Variants in ARRDC4 observed in about 807,000 individuals in gnomAD.
ARRDC4 encodes the protein arrestin domain-containing protein 4.
A neutral mutation model predicts 44.6 loss-of-function variants in ARRDC4; 40 were observed. The ratio of observed to expected loss-of-function variants is 0.90; its 90% CI spans 0.70 to 1.17. The LOEUF is 1.17. Ranked by LOEUF, ARRDC4 falls within the 50% of genes most tolerant of loss-of-function variation. ARRDC4 has a pLI of 0.00. For synonymous variants in ARRDC4, 211 were observed against 221.2 expected (o/e 0.95, Z 0.41); for missense variants, 550 against 559.1 (o/e 0.98, Z 0.16).
At position 97,969,864 on chromosome 15, in the gene ARRDC4, T is replaced by TC; in HGVS notation, c.883-19_883-18insC. 6.6e-7 allele frequency: 1 copy of TC among 1,525,168 alleles called. No individual in the cohort carries two copies. Among genetic ancestry groups the TC allele is most frequent in the Non-Finnish European group, 8.8e-7 (1 of 1,135,014 alleles). The allele number at this position is 1,525,168 out of a possible 1,614,324, so 94.5% of individuals were successfully genotyped here. On this transcript the variant is annotated intron_variant, in intron 5 of 7. Transcript: ENST00000268042. ...TACATTTGTTCCTTTCTCTTTTTTT[T>TC]TTTTTTTTGGCTTATTAGGTATACA...
At chr15:97,969,764 G>C (rs1056927638) in intron 5 of ARRDC4, 119 bp from the exon 6 acceptor site, 2 of 864,168 alleles carry the variant, frequency 2.3e-6, no homozygotes, top group African/African-American at 3.4e-5. Flanking sequence ...TGTGATGGGG[G>C]TGGTGGCAGC....
Position 97,966,106 on chromosome 15 carries a change from A to G in ARRDC4, c.522+64A>G. ...CTTCCCTCCCTTCCTCCTTCCTTTCAACAGTGGGATCTATATTTAGCCAGT... is the reference window on the plus strand; with the variant it reads ...CTTCCCTCCCTTCCTCCTTCCTTTCGACAGTGGGATCTATATTTAGCCAGT... On this transcript the variant is annotated intron_variant, in intron 3 of 7. Transcript: ENST00000268042. This position sits in a 1 kb window ranked among gnomAD's most constrained non-coding sequence, Gnocchi z 4.7. The G allele has an allele frequency of 6.5e-7, 1 of 1,550,230 alleles. No individual in the cohort carries two copies. The highest frequency in any genetic ancestry group is 8.8e-7 in the Non-Finnish European group (1 of 1,137,588).
intron 1 of ARRDC4, among the ~76,000 whole-genome samples, chr15:97,962,762 GAAAA>G (rs556202560): frequency 6.6e-6 from 1 of 151,644 alleles, no homozygotes; most frequent in Admixed American, 6.6e-5. Flanking sequence ...TTTAGTTGGG[GAAAA>G]AAAATAAGTC....
In ARRDC4 at chr15:97,965,920, A is replaced by T; in HGVS notation, c.400A>T (p.Lys134Ter). Residue 134 changes from lysine to a stop codon, truncating the protein, a stop_gained, in exon 3 of 8, where the codon AAA becomes TAA. Transcript: ENST00000268042. LOFTEE classifies it high-confidence loss of function. This position sits in a 1 kb window ranked among gnomAD's most constrained non-coding sequence, Gnocchi z 5.1. ...SEPLVTSFTG[K>*]YGSIQYCVRA... ...ACCTTTGGTCACCTCGTTTACTGGG[A>T]AATATGGAAGCATTCAGTACTGTGT... 1 of 1,614,100 alleles carries T rather than the reference A, an allele frequency of 6.2e-7. No homozygotes were observed. The highest frequency in any genetic ancestry group is 8.5e-7 in the Non-Finnish European group (1 of 1,180,008).
In ARRDC4 at chr15:97,968,257, A is replaced by G; in HGVS notation, c.625+141A>G. 2.3e-6 allele frequency: 1 copy of G among 425,896 alleles called. No homozygotes were observed. 26.4% of individuals were successfully genotyped at this position (425,896 alleles called of 1,614,324 possible). On this transcript the variant is annotated intron_variant, in intron 4 of 7. Coordinates refer to ENST00000268042, the MANE Select transcript of ARRDC4 (RefSeq NM_183376.3). The surrounding 1 kb of genome is among the most constrained non-coding windows in gnomAD (Gnocchi z 5.4). ...ATGAATAGTGATACATTTTTTATAT[A>G]AATAATTGATATTTAAGTATTTTTA...
In ARRDC4 at chr15:97,971,179, A is replaced by C; in HGVS notation, c.1249A>C (p.Ile417Leu). ...DVEESQPVSF[I>L]L Reference sequence around the variant, plus strand: ...AGAAGAGAGCCAGCCTGTTTCCTTCATTCTCTGAACGTATTTCAGAAATCA... The same window carrying C: ...AGAAGAGAGCCAGCCTGTTTCCTTCCTTCTCTGAACGTATTTCAGAAATCA... The change falls in exon 8 of 8, where the codon ATT (isoleucine) becomes CTT (leucine). Residue 417 changes from isoleucine to leucine, a missense_variant. Coordinates refer to ENST00000268042, the MANE Select transcript of ARRDC4 (RefSeq NM_183376.3). 2 of 1,613,180 alleles carry C rather than the reference A, an allele frequency of 1.2e-6. No homozygotes were observed. Among genetic ancestry groups the C allele is most frequent in the Non-Finnish European group, 8.5e-7 (1 of 1,179,250 alleles).
chr15:97,963,212 T>C (rs747739656), intron 1 of ARRDC4, among the ~76,000 whole-genome samples: 24 of 152,210 alleles, frequency 1.6e-4, no homozygotes, highest in Non-Finnish European at 1.0e-4. Context: ...TTGAAACATC[T>C]TCCTGTGACT....
chr15:97,963,876 G>A (rs548713096), intron 1 of ARRDC4, among the ~76,000 whole-genome samples: 2 of 152,184 alleles, frequency 1.3e-5, no homozygotes, highest in East Asian at 1.9e-4. Flanking sequence ...TAGGAGCACT[G>A]GGATTGCCTT....
rs941332566 is a variant in ARRDC4 at position 97,961,214 on chromosome 15, C to T, written c.307+46C>T. 9.6e-6 allele frequency: 13 copies of T among 1,354,500 alleles called. No individual in the cohort carries two copies. In the Admixed American group the frequency reaches 2.0e-4, roughly 21 times the overall value. 83.9% of individuals were successfully genotyped at this position (1,354,500 alleles called of 1,614,324 possible). A position where few individuals can be genotyped will look rare whatever the true frequency, so the allele number is the denominator to read the frequency against. On this transcript the variant is annotated intron_variant, in intron 1 of 7. Transcript: ENST00000268042. The stretch of plus-strand genomic sequence containing the variant: ...GGGGTTCCCCCGCCAGGCTGCGGGG[C>T]CGGGGAGGGGCTGGGAGGCCGCGCA...
rs1356419639 is a variant in ARRDC4 at position 97,960,758 on chromosome 15, G to A, written c.-104G>A. The stretch of plus-strand genomic sequence containing the variant: ...CGGGTACCGCACGGCTGCCGCGGCG[G>A]CCTTACCCTGCCGCGAGCGCCTGTG... On this transcript the variant is annotated 5_prime_UTR_variant, in exon 1 of 8. Transcript: ENST00000268042. 1 of 1,066,190 alleles carries A rather than the reference G, an allele frequency of 9.4e-7. No individual in the cohort carries two copies. The highest frequency in any genetic ancestry group is 1.6e-5 in the African/African-American group (1 of 60,660). 66.0% of individuals were successfully genotyped at this position (1,066,190 alleles called of 1,614,324 possible).
chr15:97,967,922 C>A lies in ARRDC4; in HGVS notation c.523-92C>A. 1.3e-6 allele frequency: 1 copy of A among 784,058 alleles called. No individual in the cohort carries two copies. Among genetic ancestry groups the A allele is most frequent in the East Asian group, 2.9e-5 (1 of 34,990 alleles). The allele number at this position is 784,058 out of a possible 1,614,324, so 48.6% of individuals were successfully genotyped here. ...GATTCATTTTTTTGGTATTTCCTTACAACCATTCTGTGAAGATAGATATAA... is the reference window on the plus strand; with the variant it reads ...GATTCATTTTTTTGGTATTTCCTTAAAACCATTCTGTGAAGATAGATATAA... On this transcript the variant is annotated intron_variant, in intron 3 of 7. Coordinates refer to ENST00000268042, the MANE Select transcript of ARRDC4 (RefSeq NM_183376.3). This position sits in a 1 kb window ranked among gnomAD's most constrained non-coding sequence, Gnocchi z 5.0.
At position 97,970,744 on chromosome 15, in the gene ARRDC4, G is replaced by A. The variant is rs1313710957; in HGVS notation, c.1200+1G>A. ...TCAACCCCCACCTCTTTATTCAGAG[G>A]TAAGCAAAGCAAAAGAAAATTAGAC... is the stretch of plus-strand genomic sequence containing the variant. On this transcript the variant is annotated splice_donor_variant, in intron 7 of 7. Transcript: ENST00000268042. LOFTEE classifies it high-confidence loss of function. This position sits in a 1 kb window ranked among gnomAD's most constrained non-coding sequence, Gnocchi z 4.2. The A allele has an allele frequency of 4.4e-6, 7 of 1,606,592 alleles. No individual in the cohort carries two copies. The East Asian group carries it at 1.6e-4, about 36-fold the overall frequency.
At chr15:97,971,090 T>A (rs1403197772) in intron 7 of ARRDC4, 41 bp from the exon 8 acceptor site, 1 of 1,601,624 alleles carries the variant, frequency 6.2e-7, no homozygotes, top group South Asian at 1.1e-5. Context: ...TCGTTTTAAA[T>A]AATGCTACAA....
rs988174266 is a variant in ARRDC4, at chr15:97,970,676, A to G, written c.1133A>G (p.Glu378Gly). 17 of 1,613,510 alleles carry G rather than the reference A, an allele frequency of 1.1e-5. No individual in the cohort carries two copies. The African/African-American group carries it at 2.1e-4, about 20-fold the overall frequency. ...PYPQPPNCEG[E>G]VCCPVFACIQ... ...CCTCAACCCCCTAACTGTGAGGGAG[A>G]AGTGTGCTGTCCTGTGTTTGCCTGT... The change falls in exon 7 of 8, where the codon GAA (glutamate) becomes GGA (glycine). Residue 378 changes from glutamate to glycine, a missense_variant. Physicochemically the swap from Glu to Gly is moderately conservative, Grantham distance 98. Coordinates refer to ENST00000268042, the MANE Select transcript of ARRDC4 (RefSeq NM_183376.3). The surrounding 1 kb of genome is among the most constrained non-coding windows in gnomAD (Gnocchi z 4.2).
rs1298909369 is a variant in ARRDC4, at chr15:97,966,237, A to T, written c.522+195A>T. Among the ~76,000 whole-genome samples, 1 of 152,120 alleles carries T rather than the reference A, an allele frequency of 6.6e-6. No homozygotes were observed. The highest frequency in any genetic ancestry group is 6.5e-5 in the Admixed American group (1 of 15,268). On this transcript the variant is annotated intron_variant, in intron 3 of 7. Transcript: ENST00000268042. This position sits in a 1 kb window ranked among gnomAD's most constrained non-coding sequence, Gnocchi z 4.7. ...TGATTCTAGGTTGGACAAATTACAA[A>T]TTGTGTGTGTTAATACTATTGATTA...
In ARRDC4 at chr15:97,960,846, A is replaced by G. The variant is rs1899294675; in HGVS notation, c.-16A>G. 1 of 1,327,474 alleles carries G rather than the reference A, an allele frequency of 7.5e-7. No individual in the cohort carries two copies. The highest frequency in any genetic ancestry group is 1.5e-5 in the African/African-American group (1 of 66,246). The allele number at this position is 1,327,474 out of a possible 1,614,324, so 82.2% of individuals were successfully genotyped here. A position where few individuals can be genotyped will look rare whatever the true frequency, so the allele number is the denominator to read the frequency against. ...CCTCTGCCGACCTCAGGGGCAGGAA[A>G]GAGTCGCCCGGCGGGATGGGCGGGG... On this transcript the variant is annotated 5_prime_UTR_variant, in exon 1 of 8. Coordinates refer to ENST00000268042, the MANE Select transcript of ARRDC4 (RefSeq NM_183376.3).
Position 97,971,361 on chromosome 15 carries a change from C to T in ARRDC4, c.*174C>T, listed in dbSNP as rs759514669. 19 of 640,040 alleles carry T rather than the reference C, an allele frequency of 3.0e-5. No homozygotes were observed. Among genetic ancestry groups the T allele is most frequent in the African/African-American group, 1.7e-4 (9 of 54,300 alleles). The allele number at this position is 640,040 out of a possible 1,614,324, so 39.6% of individuals were successfully genotyped here. A position where few individuals can be genotyped will look rare whatever the true frequency, so the allele number is the denominator to read the frequency against. ...AGTTCTGGTGGGCCGGCAGGATTGC[C>T]GCACAAGTTTATATGATGGTCGTAT... On this transcript the variant is annotated 3_prime_UTR_variant, in exon 8 of 8. Coordinates refer to ENST00000268042, the MANE Select transcript of ARRDC4 (RefSeq NM_183376.3).
At chr15:97,961,814 T>C (rs554378676) in intron 1 of ARRDC4, among the ~76,000 whole-genome samples, 98 of 152,166 alleles carry the variant, frequency 6.4e-4, no homozygotes, top group African/African-American at 2.2e-3. Context: ...TCCTACCCGC[T>C]TCTTCCCCTC....
chr15:97,971,155 G>C lies in ARRDC4; in HGVS notation c.1225G>C (p.Glu409Gln). ...SEVDPHPSDV[E>Q]ESQPVSFIL The stretch of plus-strand genomic sequence containing the variant: ...GGTTGACCCACATCCTAGCGACGTA[G>C]AAGAGAGCCAGCCTGTTTCCTTCAT... Residue 409 changes from glutamate (E) to glutamine (Q), a missense_variant, in exon 8 of 8, where the codon GAA (glutamate) becomes CAA (glutamine). Glu to Gln is a conservative substitution (Grantham distance 29). Transcript: ENST00000268042. 23 of 1,613,402 alleles carry C rather than the reference G, an allele frequency of 1.4e-5. No individual in the cohort carries two copies. Among genetic ancestry groups the C allele is most frequent in the Non-Finnish European group, 1.9e-5 (22 of 1,179,424 alleles).
Sources: gnomAD v4.1 joint callset for allele counts (sites outside exome capture counted in the v4.1 genomes callset) on GRCh38, gnomAD v4.1.1 for gene constraint, Gnocchi (gnomAD v3.1) non-coding constraint, MANE v1.5 for transcripts, NCBI Gene and HGNC (gene_info 2026-07-23, HGNC 2026-07-21) for gene names.